Variants in NTM observed in about 807,000 individuals in gnomAD.
The protein encoded by NTM is neurotrimin.
A neutral mutation model predicts 42.1 loss-of-function variants in NTM; 13 were observed. The ratio of observed to expected loss-of-function variants is 0.31; its 90% CI spans 0.20 to 0.49. The LOEUF (loss-of-function observed/expected upper bound fraction) is 0.49. NTM is among the 20% of genes least tolerant of loss of function. The probability of loss-of-function intolerance (pLI) is 0.99; values close to 1 mark genes in which losing one functional copy is unlikely to be tolerated. For missense variants in NTM, 373 were observed against 452.8 expected (o/e 0.82, Z 1.60); for synonymous variants, 187 against 179.2 (o/e 1.04, Z -0.35).
chr11:131,670,072 A>G (rs2069845318), intron 1 of NTM, among the ~76,000 whole-genome samples: 1 of 152,120 alleles, frequency 6.6e-6, no homozygotes, highest in Non-Finnish European at 1.5e-5. Context: ...AGAAGAAAAA[A>G]CAATTAATTG....
chr11:131,607,852 C>A (rs754754761), intron 1 of NTM, among the ~76,000 whole-genome samples: 5 of 151,588 alleles, frequency 3.3e-5, no homozygotes, highest in Non-Finnish European at 5.9e-5. Context: ...AAACCTTGTA[C>A]GCACGGTTTG....
intron 4 of NTM, among the ~76,000 whole-genome samples, chr11:132,281,887 A>G (rs1416429029): frequency 2.0e-5 from 3 of 152,234 alleles, no homozygotes; most frequent in Admixed American, 6.5e-5. Context: ...CAAAAAAAGT[A>G]TTGTGATATT....
intron 2 of NTM, among the ~76,000 whole-genome samples, chr11:132,072,506 A>G (rs1429639923): frequency 6.6e-6 from 1 of 152,224 alleles, no homozygotes; most frequent in African/African-American, 2.4e-5. Flanking sequence ...AGCTTGGGCA[A>G]TCTGATAGTT....
chr11:131,658,576 C>A (rs935798419), intron 1 of NTM, among the ~76,000 whole-genome samples: 1 of 152,186 alleles, frequency 6.6e-6, no homozygotes, highest in Non-Finnish European at 1.5e-5. Flanking sequence ...TCTGATTCAG[C>A]GACCTCTCTT....
At chr11:132,238,923 C>T in intron 4 of NTM, among the ~76,000 whole-genome samples, 1 of 152,216 alleles carries the variant, frequency 6.6e-6, no homozygotes, top group East Asian at 1.9e-4. Flanking sequence ...AATGTCTGCA[C>T]TGCCTTGTTC....
chr11:131,859,956 C>T (rs2046459634), intron 1 of NTM, among the ~76,000 whole-genome samples: 1 of 152,072 alleles, frequency 6.6e-6, no homozygotes, highest in South Asian at 2.1e-4. Context: ...CCCACTCCCC[C>T]TTTGTCTGGA....
intron 1 of NTM, chr11:131,662,249 C>A (rs549095855): frequency 6.6e-6 from 1 of 152,168 alleles, no homozygotes; most frequent in African/African-American, 2.4e-5. Flanking sequence ...CCCAGCTTCC[C>A]CCTCTAAATT....
At chr11:132,245,019 T>C (rs2090876271) in intron 4 of NTM, among the ~76,000 whole-genome samples, 1 of 152,248 alleles carries the variant, frequency 6.6e-6, no homozygotes, top group Non-Finnish European at 1.5e-5. Flanking sequence ...TCATAAAATT[T>C]TCATTTCCAG....
intron 2 of NTM, among the ~76,000 whole-genome samples, chr11:132,029,296 C>T (rs1222540654): frequency 2.0e-5 from 3 of 151,732 alleles, no homozygotes; most frequent in Non-Finnish European, 4.4e-5. Flanking sequence ...CCCAGTAACT[C>T]GTCATTTAAC....
In NTM at chr11:131,617,519, C is replaced by T. The variant is rs145633549; in HGVS notation, c.82+246631C>T. The stretch of plus-strand genomic sequence containing the variant: ...TGAAAGTATGAGCTGAGCTGAGTCC[C>T]CTCGTGACTGCCTGTGCTCAGCATG... On this transcript the variant is annotated intron_variant, in intron 1 of 8. Transcript: ENST00000683400. Among the ~76,000 whole-genome samples, 354 of 152,200 alleles carry T rather than the reference C, an allele frequency of 2.3e-3. 1 individual carries two copies. The highest frequency in any genetic ancestry group is 4.1e-3 in the Non-Finnish European group (279 of 68,008).
chr11:132,220,833 A>G (rs964671210), intron 4 of NTM, among the ~76,000 whole-genome samples: 1 of 152,202 alleles, frequency 6.6e-6, no homozygotes, highest in African/African-American at 2.4e-5. Flanking sequence ...ACAGAAGCCA[A>G]CCAGCCATAG....
chr11:132,279,374 C>G (rs1387104203), intron 4 of NTM, among the ~76,000 whole-genome samples: 3 of 152,146 alleles, frequency 2.0e-5, no homozygotes, highest in African/African-American at 4.8e-5. Flanking sequence ...CTAGAGGGCA[C>G]TGTTTATCAC....
intron 1 of NTM, among the ~76,000 whole-genome samples, chr11:131,471,132 C>T (rs931047094): frequency 7.2e-5 from 11 of 152,206 alleles, no homozygotes; most frequent in Admixed American, 4.6e-4. Context: ...GTTATTCATA[C>T]ATGAGTATTG....
intron 1 of NTM, among the ~76,000 whole-genome samples, chr11:131,690,377 A>C (rs1189894625): frequency 1.3e-5 from 2 of 152,192 alleles, no homozygotes; most frequent in Non-Finnish European, 2.9e-5. Flanking sequence ...CATGACACAC[A>C]AACACCCCGA....
rs529641970 is a variant in NTM, at chr11:131,550,614, T to C, written c.82+179726T>C. On this transcript the variant is annotated intron_variant, in intron 1 of 8. Transcript: ENST00000683400. ...TTTCTGAATCCTCCTTGGCCATGCT[T>C]CCTGTACAGCCTGTGGAACCATGAG... is the stretch of plus-strand genomic sequence containing the variant. Among the ~76,000 whole-genome samples, 186 of 152,324 alleles carry C rather than the reference T, an allele frequency of 1.2e-3. 1 individual carries two copies. The highest frequency in any genetic ancestry group is 4.4e-3 in the African/African-American group (183 of 41,576).
chr11:131,375,373 A>G (rs1301463166), intron 1 of NTM, among the ~76,000 whole-genome samples: 1 of 152,228 alleles, frequency 6.6e-6, no homozygotes, highest in Non-Finnish European at 1.5e-5. Context: ...TTATGTCTAT[A>G]GTCATTTGAA....
chr11:131,951,918 C>T (rs1478803748), intron 2 of NTM, among the ~76,000 whole-genome samples: 3 of 151,668 alleles, frequency 2.0e-5, no homozygotes, highest in Middle Eastern at 3.4e-3. Context: ...CATGATAATG[C>T]GATTTCTGCT....
intron 4 of NTM, among the ~76,000 whole-genome samples, chr11:132,228,484 C>T (rs116186372): frequency 4.1e-4 from 63 of 152,334 alleles, no homozygotes; most frequent in African/African-American, 1.5e-3. Flanking sequence ...AACCTATTCT[C>T]ATTGCCACCA....
chr11:131,510,366 G>A (rs1175658994), intron 1 of NTM, among the ~76,000 whole-genome samples: 4 of 152,162 alleles, frequency 2.6e-5, no homozygotes, highest in Admixed American at 2.6e-4. Flanking sequence ...CCTGCTCCAA[G>A]CCCAGTAAAG....
Sources: gnomAD v4.1 joint callset for allele counts (sites outside exome capture counted in the v4.1 genomes callset) on GRCh38, gnomAD v4.1.1 for gene constraint, MANE v1.5 for transcripts, NCBI Gene and HGNC (gene_info 2026-07-23, HGNC 2026-07-21) for gene names.